The following DMD variants were observed in gnomAD, a reference collection of about 807,000 sequenced individuals.
DMD encodes mutant dystrophin.
Under a neutral mutation model 330.1 loss-of-function variants are expected in DMD, and 63 were observed. That is an observed-to-expected ratio of 0.19 (90% CI 0.16 to 0.24). The LOEUF (loss-of-function observed/expected upper bound fraction) is 0.24, where lower values mean the gene tolerates loss of function less well. Among genes scored for constraint, DMD ranks in the 10% least tolerant of loss-of-function variants. The probability of loss-of-function intolerance (pLI) is 1.00; values close to 1 mark genes in which losing one functional copy is unlikely to be tolerated. For synonymous variants in DMD, 1,223 were observed against 959.8 expected, an observed-to-expected ratio of 1.27 and a Z score of -5.07; for missense variants, 3,344 against 2,684.1, an observed-to-expected ratio of 1.25 and a Z score of -5.43.
intron 7 of DMD, among the ~76,000 whole-genome samples, chrX:32,715,996 CATA>C (rs1413206813): frequency 2.7e-5 from 3 of 111,597 alleles, no homozygotes; most frequent in Admixed American, 9.5e-5. Flanking sequence ...GATCATTTTA[CATA>C]ATGAGAAAAT....
chrX:32,585,247 AT>A (rs2054098741), intron 13 of DMD, among the ~76,000 whole-genome samples: 1 of 111,761 alleles, frequency 8.9e-6, no homozygotes, highest in Non-Finnish European at 1.9e-5. Context: ...GATAGAAGGA[AT>A]AAGTTCTAAT....
intron 44 of DMD, among the ~76,000 whole-genome samples, chrX:32,160,115 C>T (rs899177185): frequency 1.8e-5 from 2 of 111,502 alleles, no homozygotes; most frequent in Admixed American, 1.9e-4. Context: ...AAGCATTGAC[C>T]TTAGAGCTGG....
chrX:33,177,163 G>C (rs947300537), intron 1 of DMD, among the ~76,000 whole-genome samples: 4 of 111,008 alleles, frequency 3.6e-5, no homozygotes, highest in Non-Finnish European at 7.5e-5. Context: ...ACTGACCTGA[G>C]GTGGGGCACA....
chrX:32,437,508 T>C (rs1328375600), intron 29 of DMD, among the ~76,000 whole-genome samples: 2 of 112,137 alleles, frequency 1.8e-5, no homozygotes, highest in Non-Finnish European at 3.8e-5. Flanking sequence ...ATATTATTTG[T>C]TTTTATGTCT....
intron 62 of DMD, among the ~76,000 whole-genome samples, chrX:31,276,317 C>T (rs2052113951): frequency 8.9e-6 from 1 of 111,985 alleles, no homozygotes; most frequent in Non-Finnish European, 1.9e-5. Flanking sequence ...CCTTGGCCTC[C>T]CAAAGTGTAG....
chrX:32,768,284 GA>G (rs1281755245), intron 7 of DMD, among the ~76,000 whole-genome samples: 29 of 111,849 alleles, frequency 2.6e-4, no homozygotes, highest in African/African-American at 9.1e-4. Context: ...AGAATTTGGG[GA>G]ATAGAGCTAT....
At chrX:32,776,291 C>T (rs902291836) in intron 7 of DMD, among the ~76,000 whole-genome samples, 2 of 108,860 alleles carry the variant, frequency 1.8e-5, no homozygotes, top group Non-Finnish European at 3.8e-5. Context: ...GACCCCCCCC[C>T]CAAATTGTTC....
intron 61 of DMD, among the ~76,000 whole-genome samples, chrX:31,339,919 C>T (rs1188046529): frequency 8.9e-6 from 1 of 112,538 alleles, no homozygotes; most frequent in Non-Finnish European, 1.9e-5. Context: ...AAATTATTGC[C>T]CCACTCATAT....
chrX:31,247,126 G>C (rs780412861), intron 63 of DMD, among the ~76,000 whole-genome samples: 1 of 111,645 alleles, frequency 9.0e-6, no homozygotes, highest in African/African-American at 3.3e-5. Context: ...TCACCCAAAA[G>C]CTTGGATGGA....
intron 51 of DMD, among the ~76,000 whole-genome samples, chrX:31,750,293 CT>C (rs1204827402): frequency 1.9e-5 from 2 of 106,364 alleles, no homozygotes; most frequent in Non-Finnish European, 3.9e-5. Flanking sequence ...ACGTTTAAGT[CT>C]TTAATCCATC....
At chrX:31,729,509 T>C in intron 52 of DMD, 122 bp downstream of exon 52, 1 of 598,743 alleles carries the variant, frequency 1.7e-6, no homozygotes, top group Non-Finnish European at 2.9e-6. Context: ...AGCACAATTG[T>C]TATCATTTAC....
intron 30 of DMD, among the ~76,000 whole-genome samples, chrX:32,394,079 C>T (rs1283520412): frequency 1.8e-5 from 2 of 109,827 alleles, no homozygotes; most frequent in African/African-American, 6.6e-5. Context: ...CTTGAACATA[C>T]TTTAAGGCTA....
intron 44 of DMD, among the ~76,000 whole-genome samples, chrX:32,081,593 G>A (rs934553198): frequency 9.0e-6 from 1 of 111,589 alleles, no homozygotes; most frequent in African/African-American, 3.3e-5. Context: ...AGTGGCTCAC[G>A]CCTGTAATCC....
chrX:31,493,955 C>T (rs1188494311), intron 57 of DMD, among the ~76,000 whole-genome samples: 1 of 110,516 alleles, frequency 9.0e-6, no homozygotes, highest in African/African-American at 3.3e-5. Flanking sequence ...GTCAAGAGAT[C>T]GAGACCATCT....
At chrX:31,258,050 T>A (rs2050143317) in intron 63 of DMD, among the ~76,000 whole-genome samples, 1 of 112,379 alleles carries the variant, frequency 8.9e-6, no homozygotes, top group Non-Finnish European at 1.9e-5. Context: ...ACCATACCAT[T>A]TCCAGAAATA....
At chrX:32,793,093 A>G (rs781075072) in intron 7 of DMD, among the ~76,000 whole-genome samples, 2 of 112,130 alleles carry the variant, frequency 1.8e-5, no homozygotes, top group South Asian at 7.3e-4. Flanking sequence ...AATCAAAATC[A>G]TATCTAATAT....
chrX:31,663,329 G>C (rs1423712837), intron 53 of DMD, among the ~76,000 whole-genome samples: 1 of 110,970 alleles, frequency 9.0e-6, no homozygotes, highest in Non-Finnish European at 1.9e-5. Context: ...CCTTGAGGTG[G>C]TAATAGTTTC....
At chrX:32,778,348 T>C (rs188458806) in intron 7 of DMD, among the ~76,000 whole-genome samples, 7 of 110,592 alleles carry the variant, frequency 6.3e-5, no homozygotes, top group African/African-American at 2.3e-4. Flanking sequence ...AAATGAGCAC[T>C]GCTGGACTTC....
intron 25 of DMD, among the ~76,000 whole-genome samples, chrX:32,455,288 A>G (rs1181808421): frequency 9.0e-6 from 1 of 111,651 alleles, no homozygotes; most frequent in Non-Finnish European, 1.9e-5. Context: ...AGAAAAAACG[A>G]AAAGTGCATA....
Sources: allele counts gnomAD v4.1 joint callset (sites outside exome capture counted in the v4.1 genomes callset), GRCh38; gene constraint gnomAD v4.1.1; transcripts MANE v1.5; gene names NCBI Gene and HGNC (gene_info 2026-07-23, HGNC 2026-07-21).